RASGRF2: variants seen among roughly 807,000 people sequenced by gnomAD.
RASGRF2 encodes the protein Ras protein specific guanine nucleotide releasing factor 2.
In RASGRF2, 76 loss-of-function variants were observed where a neutral mutation model predicts 151.0. The ratio of observed to expected loss-of-function variants is 0.50; its 90% CI spans 0.42 to 0.61. RASGRF2 has a LOEUF of 0.61. Ranked by LOEUF, RASGRF2 falls within the 20% of genes least tolerant of loss-of-function variation. RASGRF2 has a pLI of 0.00. For synonymous variants in RASGRF2, 504 were observed against 566.5 expected (o/e 0.89, Z 1.57); for missense variants, 1,148 against 1,564.6 (o/e 0.73, Z 4.49).
At position 81,092,851 on chromosome 5, in the gene RASGRF2, C is replaced by T. The variant is rs749203214; in HGVS notation, c.1441C>T (p.Arg481Cys). 54 of 1,613,116 alleles carry T rather than the reference C, an allele frequency of 3.3e-5. No homozygotes were observed. The highest frequency in any genetic ancestry group is 4.5e-5 in the East Asian group (2 of 44,862). ...TGAGAGGGGGAAACTTAGTAAAGTT[C>T]GCCTGGGTTCGTTGTCTTTGAAAAA... is the stretch of plus-strand genomic sequence containing the variant. ...SVERGKLSKV[R>C]LGSLSLKKEG... The change falls in exon 10 of 27, where the codon CGC becomes TGC. Residue 481 changes from arginine to cysteine, a missense_variant. Physicochemically the swap from Arg to Cys is radical, Grantham distance 180. Around this residue, in one of 5 missense-constraint regions of RASGRF2, gnomAD observed 646 missense variants for 807.4 expected, o/e 0.80. Transcript: ENST00000265080.
intron 1 of RASGRF2, among the ~76,000 whole-genome samples, chr5:81,005,999 A>G (rs1057060680): frequency 6.6e-6 from 1 of 152,234 alleles, no homozygotes; most frequent in East Asian, 1.9e-4. Flanking sequence ...TTCCAAGTTC[A>G]AATGTTCCAA....
At chr5:81,143,750 C>T (rs758521558) in intron 17 of RASGRF2, among the ~76,000 whole-genome samples, 3 of 151,848 alleles carry the variant, frequency 2.0e-5, no homozygotes, top group Non-Finnish European at 4.4e-5. Flanking sequence ...ATTAGCCGGA[C>T]GTGGTGGTGC....
chr5:81,102,241 C>T (rs1752716986), intron 12 of RASGRF2, among the ~76,000 whole-genome samples: 1 of 152,112 alleles, frequency 6.6e-6, no homozygotes, highest in Admixed American at 6.5e-5. Context: ...AAGAGTTGGC[C>T]TAAGGCCCAT....
chr5:81,129,761 CCTT>C (rs1167839556), intron 17 of RASGRF2, among the ~76,000 whole-genome samples: 9 of 152,184 alleles, frequency 5.9e-5, no homozygotes, highest in African/African-American at 2.2e-4. Flanking sequence ...TTTGCTAAGA[CCTT>C]CTCCTGTCTT....
rs566883512 is a variant in RASGRF2, at chr5:81,198,183, G to A, written c.2794-3147G>A. 2.6e-5 allele frequency among the ~76,000 whole-genome samples: 4 copies of A among 151,508 alleles called. No individual in the cohort carries two copies. The South Asian group carries it at 6.3e-4, about 24-fold the overall frequency. The stretch of plus-strand genomic sequence containing the variant: ...GATACATGTGCAGGTTTTGTGTGGC[G>A]CTGAGATTTGGGCTTTATTGATCTC... On this transcript the variant is annotated intron_variant, in intron 18 of 26. Coordinates refer to ENST00000265080, the MANE Select transcript of RASGRF2 (RefSeq NM_006909.3).
At chr5:81,016,292 G>A (rs1342142700) in intron 1 of RASGRF2, among the ~76,000 whole-genome samples, 1 of 152,214 alleles carries the variant, frequency 6.6e-6, no homozygotes, top group African/African-American at 2.4e-5. Flanking sequence ...CATGCAGCAA[G>A]CTTCCCTTTG....
intron 12 of RASGRF2, among the ~76,000 whole-genome samples, chr5:81,097,299 A>T (rs1752575931): frequency 6.6e-6 from 1 of 152,124 alleles, no homozygotes; most frequent in African/African-American, 2.4e-5. Context: ...CATCACACAA[A>T]ATGACTATGG....
At chr5:81,116,556 C>T (rs1274273536) in intron 15 of RASGRF2, among the ~76,000 whole-genome samples, 1 of 151,618 alleles carries the variant, frequency 6.6e-6, no homozygotes, top group Admixed American at 6.5e-5. Flanking sequence ...AATCTTTCTT[C>T]TCCTCCTTCT....
intron 2 of RASGRF2, among the ~76,000 whole-genome samples, chr5:81,053,075 A>G (rs1751066387): frequency 6.6e-6 from 1 of 152,152 alleles, no homozygotes; most frequent in African/African-American, 2.4e-5. Context: ...GAGTTGTGTT[A>G]AATTCTTCCT....
chr5:81,139,454 G>A (rs1414201635), intron 17 of RASGRF2, among the ~76,000 whole-genome samples: 2 of 134,988 alleles, frequency 1.5e-5, no homozygotes. Flanking sequence ...TCCACCTCCC[G>A]GATTCAAGCG....
intron 1 of RASGRF2, among the ~76,000 whole-genome samples, chr5:80,983,937 T>C (rs755723228): frequency 3.3e-5 from 5 of 152,252 alleles, no homozygotes; most frequent in Non-Finnish European, 7.3e-5. Flanking sequence ...ATGGCTTACA[T>C]TTGTGGTGCG....
intron 1 of RASGRF2, among the ~76,000 whole-genome samples, chr5:80,965,448 A>G (rs1475700077): frequency 6.6e-6 from 1 of 152,204 alleles, no homozygotes; most frequent in Non-Finnish European, 1.5e-5. Flanking sequence ...ATGAAAAAAA[A>G]ATCTCATGGA....
chr5:81,139,767 C>T (rs1399771065), intron 17 of RASGRF2, among the ~76,000 whole-genome samples: 2 of 151,960 alleles, frequency 1.3e-5, no homozygotes, highest in African/African-American at 2.4e-5. Flanking sequence ...TCACAAAAGG[C>T]GCCTATCAAA....
intron 1 of RASGRF2, among the ~76,000 whole-genome samples, chr5:81,032,075 A>G (rs966246918): frequency 4.6e-5 from 7 of 152,226 alleles, no homozygotes; most frequent in East Asian, 3.8e-4. Flanking sequence ...TCCTGGACAC[A>G]TACACCCTCC....
intron 17 of RASGRF2, among the ~76,000 whole-genome samples, chr5:81,138,768 T>TG (rs945873210): frequency 9.9e-5 from 3 of 30,188 alleles, no homozygotes; most frequent in African/African-American, 1.6e-4. Flanking sequence ...ATGTGCTTGT[T>TG]TTTTTTTTTT....
intron 15 of RASGRF2, among the ~76,000 whole-genome samples, chr5:81,117,289 T>C (rs1753187685): frequency 1.3e-5 from 2 of 152,180 alleles, no homozygotes; most frequent in Admixed American, 1.3e-4. Context: ...TGAATAGAAA[T>C]TTATTTCTCA....
intron 1 of RASGRF2, among the ~76,000 whole-genome samples, chr5:80,982,822 G>T (rs868866842): frequency 6.6e-6 from 1 of 152,026 alleles, no homozygotes; most frequent in Non-Finnish European, 1.5e-5. Context: ...GGATGGTCTC[G>T]ATCTCCTGAC....
chr5:81,056,064 T>G (rs543810841), intron 2 of RASGRF2, among the ~76,000 whole-genome samples: 49 of 152,282 alleles, frequency 3.2e-4, no homozygotes, highest in African/African-American at 1.2e-3. Flanking sequence ...TTTGTTGATC[T>G]TTTCAAAAAA....
chr5:81,008,238 C>T (rs537853198), intron 1 of RASGRF2, among the ~76,000 whole-genome samples: 1 of 148,620 alleles, frequency 6.7e-6, no homozygotes, highest in Admixed American at 6.7e-5. Context: ...GCAACCTCCT[C>T]CTCCCGGGTT....
Sources: allele counts gnomAD v4.1 joint callset (sites outside exome capture counted in the v4.1 genomes callset), GRCh38; gene constraint gnomAD v4.1.1; regional missense constraint gnomAD v4.1.1; transcripts MANE v1.5; gene names NCBI Gene and HGNC (gene_info 2026-07-23, HGNC 2026-07-21).